Variants in MAP3K19 observed in about 807,000 individuals in gnomAD.
MAP3K19 encodes the protein mitogen-activated protein kinase kinase kinase 19, also known as SPS1/STE20-related protein kinase YSK4.
MAP3K19 carries 91 observed loss-of-function variants against 114.4 expected under a neutral mutation model. That is an observed-to-expected ratio of 0.80 (90% CI 0.67 to 0.95). The LOEUF (loss-of-function observed/expected upper bound fraction) is 0.95. Among genes scored for constraint, MAP3K19 ranks in the 40% least tolerant of loss-of-function variants. The probability of loss-of-function intolerance (pLI) is 0.00; values close to 1 mark genes in which losing one functional copy is unlikely to be tolerated. For synonymous variants in MAP3K19, 518 were observed against 530.5 expected (o/e 0.98, Z 0.32); for missense variants, 1,471 against 1,573.2 (o/e 0.94, Z 1.10).
intron 12 of MAP3K19, among the ~76,000 whole-genome samples, chr2:134,965,825 T>C (rs1441955103): frequency 6.6e-6 from 1 of 152,194 alleles, no homozygotes; most frequent in Non-Finnish European, 1.5e-5. Context: ...CATTAGAACT[T>C]ACTCCTTCTA....
In MAP3K19 at chr2:135,020,476, T is replaced by A. The variant is rs113633076; in HGVS notation, c.138+1239A>T. ...CTGCGACTACAGGCGTGTGCCATCA[T>A]GACCAGCTAATTTTTTTTATTTTTA... On this transcript the variant is annotated intron_variant, in intron 5 of 12. Transcript: ENST00000392915. 3.1e-3 allele frequency among the ~76,000 whole-genome samples: 469 copies of A among 152,322 alleles called. 3 individuals are homozygous for A. The highest frequency in any genetic ancestry group is 0.01 in the African/African-American group (420 of 41,562).
Position 134,987,857 on chromosome 2 carries a change from C to T in MAP3K19, c.1015G>A (p.Gly339Ser), listed in dbSNP as rs1685274668. Residue 339 changes from glycine (G) to serine (S), a missense_variant, in exon 10 of 13, where the codon GGC becomes AGC. Gly to Ser is a moderately conservative substitution (Grantham distance 56). Transcript: ENST00000392915. ...SLVSFENLKE[G>S]NIPAVREEDI... ...TCTTCCCTAACTGCAGGAATATTGC[C>T]TTCCTTCAAATTCTCAAAAGACACC... 6.2e-7 allele frequency: 1 copy of T among 1,611,922 alleles called. No homozygotes were observed. The highest frequency in any genetic ancestry group is 1.3e-5 in the African/African-American group (1 of 75,050).
intron 11 of MAP3K19, among the ~76,000 whole-genome samples, chr2:134,982,113 CTTTT>C (rs35219224): frequency 1.3e-5 from 1 of 76,338 alleles, no homozygotes; most frequent in Non-Finnish European, 2.5e-5. Flanking sequence ...CTTTTTCTTT[CTTTT>C]TTTTTTTTTT....
chr2:134,988,198 G>C lies in MAP3K19; in HGVS notation c.674C>G (p.Pro225Arg). Reference sequence around the variant, plus strand: ...TTCTTTTGGAAACTTGTGATTTTGGGGGATAGTAAGGACACCAGATCGCGT... The same window carrying C: ...TTCTTTTGGAAACTTGTGATTTTGGCGGATAGTAAGGACACCAGATCGCGT... Reference protein sequence around the residue: ...LPTRSGVLTIPQNHKFPKEKE... With the variant: ...LPTRSGVLTIRQNHKFPKEKE... The change falls in exon 10 of 13, where the codon CCC (proline) becomes CGC (arginine). Residue 225 changes from proline to arginine, a missense_variant. By Grantham distance (103) the Pro-to-Arg change is moderately radical (BLOSUM62 -2). Coordinates refer to ENST00000392915, the MANE Select transcript of MAP3K19 (RefSeq NM_025052.5). The C allele has an allele frequency of 6.2e-7, 1 of 1,609,734 alleles. No homozygotes were observed. The highest frequency in any genetic ancestry group is 8.5e-7 in the Non-Finnish European group (1 of 1,178,398).
chr2:134,987,345 C>T lies in MAP3K19; in HGVS notation c.1527G>A (p.Lys509=). Residue 509 remains lysine, a synonymous_variant, in exon 10 of 13, where the codon AAG becomes AAA. Coordinates refer to ENST00000392915, the MANE Select transcript of MAP3K19 (RefSeq NM_025052.5). ...CACTATGGTTGTTATGAATGGTTCC[C>T]TTTCTTGTTTGGAGGCTTGGTTTGG... The part of the protein sequence containing the change: ...VIAKPSLQTR[K]GTIHNNHSVN... 1 of 1,614,062 alleles carries T rather than the reference C, an allele frequency of 6.2e-7. No individual in the cohort carries two copies. The highest frequency in any genetic ancestry group is 2.2e-5 in the East Asian group (1 of 44,880).
intron 10 of MAP3K19, 23 bp downstream of exon 10, chr2:134,985,777 T>A (rs748938068): frequency 6.4e-7 from 1 of 1,560,128 alleles, no homozygotes; most frequent in African/African-American, 1.4e-5. Context: ...CCCCAATGAA[T>A]CTTGGATTCT....
chr2:134,987,261 C>G lies in MAP3K19; in HGVS notation c.1611G>C (p.Lys537Asn). The change falls in exon 10 of 13, where the codon AAG becomes AAC. Residue 537 changes from lysine to asparagine, a missense_variant. Lys to Asn is a moderately conservative substitution (Grantham distance 94). Coordinates refer to ENST00000392915, the MANE Select transcript of MAP3K19 (RefSeq NM_025052.5). ...DKHKMNSHRS[K>N]LDSKTKTSKK... ...TACTTGTCTTGGTCTTTGAATCCAACTTACTCCTATGGGAATTCATCTTAT... is the reference window on the plus strand; with the variant it reads ...TACTTGTCTTGGTCTTTGAATCCAAGTTACTCCTATGGGAATTCATCTTAT... 6.2e-7 allele frequency: 1 copy of G among 1,614,130 alleles called. No individual in the cohort carries two copies. The highest frequency in any genetic ancestry group is 8.5e-7 in the Non-Finnish European group (1 of 1,180,030).
intron 8 of MAP3K19, among the ~76,000 whole-genome samples, chr2:134,995,483 A>C (rs544623333): frequency 1.3e-5 from 2 of 152,162 alleles, no homozygotes; most frequent in Non-Finnish European, 2.9e-5. Context: ...GTAAAATTAG[A>C]GGCCAGGAGG....
chr2:134,997,246 T>C (rs768227856), intron 8 of MAP3K19, among the ~76,000 whole-genome samples: 1 of 152,130 alleles, frequency 6.6e-6, no homozygotes, highest in Non-Finnish European at 1.5e-5. Context: ...ACAGGACAAA[T>C]ATTGCATGAT....
chr2:134,985,823 C>G lies in MAP3K19; in HGVS notation c.3049G>C (p.Glu1017Gln). 6.2e-7 allele frequency: 1 copy of G among 1,609,764 alleles called. No homozygotes were observed. The highest frequency in any genetic ancestry group is 1.7e-5 in the Admixed American group (1 of 59,170). Residue 1017 changes from glutamate to glutamine, a missense_variant, in exon 10 of 13, where the codon GAG (glutamate) becomes CAG (glutamine). Physicochemically the swap from Glu to Gln is conservative, Grantham distance 29. Transcript: ENST00000392915. ...ACCTGTATTTTGACTTTTGTTGTCT[C>G]TCTGCCCATTTCTTTTGGGGTACTT... Reference protein sequence around the residue: ...RGSTPKEMGRETTKVKIQRHS... With the variant: ...RGSTPKEMGRQTTKVKIQRHS...
chr2:134,981,689 A>T (rs1026282579), intron 11 of MAP3K19, among the ~76,000 whole-genome samples, 171 bp from the exon 12 acceptor site: 17 of 152,110 alleles, frequency 1.1e-4, no homozygotes, highest in Admixed American at 1.1e-3. Flanking sequence ...GTTTCAGTGG[A>T]GCCAAGATGG....
In MAP3K19 at chr2:134,986,124, A is replaced by C. The variant is rs1685081969; in HGVS notation, c.2748T>G (p.Ser916=). The C allele has an allele frequency of 1.2e-6, 2 of 1,613,950 alleles. No homozygotes were observed. The highest frequency in any genetic ancestry group is 2.7e-5 in the African/African-American group (2 of 74,948). Residue 916 remains serine (S), a synonymous_variant, in exon 10 of 13, where the codon TCT becomes TCG. Transcript: ENST00000392915. ...FSFQAKQESA[S]SQTYQYWVHY... is the part of the protein sequence containing the mutation. ...GTACCCAATATTGATATGTCTGGGA[A>C]GATGCACTTTCTTGTTTTGCTTGGA...
intron 12 of MAP3K19, among the ~76,000 whole-genome samples, chr2:134,980,359 A>G (rs1400334755): frequency 6.6e-6 from 1 of 152,242 alleles, no homozygotes; most frequent in Non-Finnish European, 1.5e-5. Context: ...AAGGAAGGGG[A>G]AAACAGGCAA....
Position 134,980,881 on chromosome 2 carries a change from G to A in MAP3K19, c.3860C>T (p.Pro1287Leu), listed in dbSNP as rs1455500879. The A allele has an allele frequency of 6.2e-7, 1 of 1,614,126 alleles. No individual in the cohort carries two copies. The highest frequency in any genetic ancestry group is 8.5e-7 in the Non-Finnish European group (1 of 1,180,056). ...FYIGAHRGLM[P>L]PLPDHFSENA... The stretch of plus-strand genomic sequence containing the variant: ...TTCTGAGAAGTGGTCTGGTAAAGGA[G>A]GCATCAGCCCTCGGTGTGCTCCGAT... Residue 1287 changes from proline to leucine, a missense_variant, in exon 12 of 13, where the codon CCT (proline) becomes CTT (leucine). Coordinates refer to ENST00000392915, the MANE Select transcript of MAP3K19 (RefSeq NM_025052.5).
intron 10 of MAP3K19, among the ~76,000 whole-genome samples, chr2:134,985,427 A>G (rs1337085796): frequency 6.6e-6 from 1 of 152,252 alleles, no homozygotes; most frequent in African/African-American, 2.4e-5. Flanking sequence ...TCTATCTCAC[A>G]TACCTAGAGC....
chr2:135,046,017 T>C (rs1438736639), intron 1 of MAP3K19, among the ~76,000 whole-genome samples: 1 of 152,154 alleles, frequency 6.6e-6, no homozygotes, highest in Non-Finnish European at 1.5e-5. Context: ...CTCAAACTCC[T>C]AGGTTTAAGG....
At chr2:134,969,827 G>A (rs758851729) in intron 12 of MAP3K19, among the ~76,000 whole-genome samples, 9 of 152,014 alleles carry the variant, frequency 5.9e-5, no homozygotes, top group South Asian at 2.1e-4. Context: ...GTCTAACTTC[G>A]TTCATCTGCA....
chr2:134,970,012 C>G (rs910655034), intron 12 of MAP3K19, among the ~76,000 whole-genome samples: 1 of 152,046 alleles, frequency 6.6e-6, no homozygotes, highest in African/African-American at 2.4e-5. Flanking sequence ...GTTACTGTAG[C>G]CTTGTAATAT....
intron 12 of MAP3K19, among the ~76,000 whole-genome samples, 179 bp from the exon 13 acceptor site, chr2:134,965,095 T>A (rs1174927720): frequency 1.3e-5 from 2 of 152,242 alleles, no homozygotes; most frequent in Non-Finnish European, 2.9e-5. Context: ...ACTAAAACTC[T>A]CTTCATCAGT....
Sources: allele counts gnomAD v4.1 joint callset (sites outside exome capture counted in the v4.1 genomes callset), GRCh38; gene constraint gnomAD v4.1.1; transcripts MANE v1.5; gene names NCBI Gene and HGNC (gene_info 2026-07-23, HGNC 2026-07-21).